The following HMCN2 variants were observed in gnomAD, a reference collection of about 807,000 sequenced individuals.
HMCN2 encodes the protein hemicentin-2.
Under a neutral mutation model 377.5 loss-of-function variants are expected in HMCN2, and 325 were observed. The observed-to-expected ratio is 0.86, with a 90% CI of 0.79 to 0.94. HMCN2 has a LOEUF of 0.94. Among genes scored for constraint, HMCN2 ranks in the 40% least tolerant of loss-of-function variants. HMCN2 has a pLI of 0.00. For missense variants in HMCN2, 4,543 were observed against 4,725.3 expected, an observed-to-expected ratio of 0.96 and a Z score of 1.13; for synonymous variants, 2,007 against 2,046.8, an observed-to-expected ratio of 0.98 and a Z score of 0.53.
intron 22 of HMCN2, among the ~76,000 whole-genome samples, chr9:130,334,701 C>CTT (rs1838623757): frequency 2.0e-5 from 3 of 146,740 alleles, no homozygotes; most frequent in African/African-American, 7.4e-5. Context: ...CTCTTTCTTT[C>CTT]TTTCTTTCTC....
chr9:130,359,968 G>T (rs73670534), intron 37 of HMCN2, among the ~76,000 whole-genome samples: 1 of 152,246 alleles, frequency 6.6e-6, no homozygotes, highest in South Asian at 2.1e-4. Context: ...GCAGATACAC[G>T]CGGTCCAGCC....
rs1311632669 is a variant in HMCN2 at position 130,268,827 on chromosome 9, A to AAGGGCAAGATTGGACACAGCCGTGAGTGC, written c.259+2696_259+2724dup. ...GGAGGAGTGGAGCGGGAAAGTGGGG[A>AAGGGCAAGATTGGACACAGCCGTGAGTGC]AGGGCAAGATTGGACACAGCCGTGA... is the stretch of plus-strand genomic sequence containing the variant. On this transcript the variant is annotated intron_variant, in intron 1 of 97. Transcript: ENST00000683500. Among the ~76,000 whole-genome samples the AAGGGCAAGATTGGACACAGCCGTGAGTGC allele has an allele frequency of 2.7e-5, 4 of 147,980 alleles. 1 individual carries two copies. The highest frequency in any genetic ancestry group is 6.1e-5 in the Non-Finnish European group (4 of 65,880).
intron 11 of HMCN2, 121 bp from the exon 12 acceptor site, chr9:130,306,008 T>G: frequency 2.5e-6 from 1 of 405,244 alleles, no homozygotes; most frequent in South Asian, 1.9e-5. Flanking sequence ...CTCTGGGGTC[T>G]TTGCTTTCTC....
intron 86 of HMCN2, among the ~76,000 whole-genome samples, chr9:130,421,716 A>G (rs1844024478): frequency 6.6e-6 from 1 of 152,208 alleles, no homozygotes; most frequent in Admixed American, 6.5e-5. Flanking sequence ...GATGAGAAAC[A>G]TCCCAGATGG....
At position 130,396,252 on chromosome 9, in the gene HMCN2, G is replaced by C. The variant is rs575237807; in HGVS notation, c.11137G>C (p.Val3713Leu). ...TALLPCQADG[V>L]PAPLVSWRKD... ...CCTGCTGCCTTGCCAGGCCGACGGC[G>C]TGCCCGCACCCCTCGTGAGCTGGCG... Residue 3713 changes from valine (V) to leucine (L), a missense_variant, in exon 73 of 98, where the codon GTG (valine) becomes CTG (leucine). Transcript: ENST00000683500. The C allele has an allele frequency of 7.8e-7, 1 of 1,286,670 alleles. No homozygotes were observed. Among genetic ancestry groups the C allele is most frequent in the African/African-American group, 1.5e-5 (1 of 65,768 alleles). The allele number at this position is 1,286,670 out of a possible 1,614,324, so 79.7% of individuals were successfully genotyped here. A position where few individuals can be genotyped will look rare whatever the true frequency, so the allele number is the denominator to read the frequency against.
intron 85 of HMCN2, among the ~76,000 whole-genome samples, chr9:130,412,774 G>A (rs35781046): frequency 0.39 from 58,445 of 151,694 alleles, 11,690 homozygotes; most frequent in Middle Eastern, 0.51. Flanking sequence ...ACGAGGTTTC[G>A]TCGTGTTGCC....
At chr9:130,271,747 T>C (rs1425740738) in intron 1 of HMCN2, among the ~76,000 whole-genome samples, 1 of 148,960 alleles carries the variant, frequency 6.7e-6, no homozygotes, top group African/African-American at 2.4e-5. Flanking sequence ...CCGTGCTAAG[T>C]GTGTTTGTTG....
intron 84 of HMCN2, among the ~76,000 whole-genome samples, chr9:130,410,216 G>A (rs1043080738): frequency 3.9e-5 from 6 of 152,190 alleles, no homozygotes; most frequent in Admixed American, 2.0e-4. Context: ...ATGGAACCCT[G>A]TTCTCCAAGG....
rs1554959684 is a variant in HMCN2, at chr9:130,372,995, C to CCA, written c.7352-42_7352-41insAC. On this transcript the variant is annotated intron_variant, in intron 47 of 97. Coordinates refer to ENST00000683500, the MANE Select transcript of HMCN2 (RefSeq NM_001291815.2). ...TGTAGCCTGGGCGGGCCAGCCCCCC[C>CCA]CCCCACCCCATCACTAGCCATTTGT... 2.0e-5 allele frequency: 3 copies of CCA among 146,694 alleles called. 1 individual carries two copies. The highest frequency in any genetic ancestry group is 2.0e-4 in the East Asian group (1 of 4,898). The allele number at this position is 146,694 out of a possible 1,614,324, so 9.1% of individuals were successfully genotyped here.
intron 84 of HMCN2, among the ~76,000 whole-genome samples, chr9:130,409,515 C>G (rs138044101): frequency 6.6e-6 from 1 of 152,330 alleles, no homozygotes; most frequent in East Asian, 1.9e-4. Context: ...GGGCCTTGAT[C>G]TCACCCATTT....
chr9:130,342,139 T>C (rs1424646888), intron 24 of HMCN2, among the ~76,000 whole-genome samples: 2 of 152,122 alleles, frequency 1.3e-5, no homozygotes, highest in Non-Finnish European at 2.9e-5. Context: ...CTCCCCAGCA[T>C]GTGGGGCTCG....
At chr9:130,299,531 TCATC>T (rs142449927) in intron 8 of HMCN2, among the ~76,000 whole-genome samples, 14,361 of 151,030 alleles carry the variant, frequency 0.095, 697 homozygotes, top group Middle Eastern at 0.14. Flanking sequence ...ATCTACCCAT[TCATC>T]CATCCATCCA....
chr9:130,427,373 T>A lies in HMCN2; in HGVS notation c.13940T>A (p.Val4647Glu). The change falls in exon 91 of 98, where the codon GTG becomes GAG. Residue 4647 changes from valine to glutamate, a missense_variant and splice_region_variant. Around this residue, in one of 5 missense-constraint regions of HMCN2, gnomAD observed 1,155 missense variants for 1,157.7 expected, o/e 1.00. Transcript: ENST00000683500. ...FELDSQGAFC[V>E]DRDECSGGPS... is the part of the protein sequence containing the mutation. ...CTGGACTCCCAGGGAGCGTTTTGTG[T>A]GGGTGAGCGCCCCCAACCCTGGCAT... The A allele has an allele frequency of 6.4e-7, 1 of 1,550,518 alleles. No homozygotes were observed. The highest frequency in any genetic ancestry group is 8.7e-7 in the Non-Finnish European group (1 of 1,146,988).
intron 37 of HMCN2, among the ~76,000 whole-genome samples, chr9:130,359,642 A>G (rs1840252510): frequency 6.6e-6 from 1 of 151,938 alleles, no homozygotes; most frequent in South Asian, 2.1e-4. Context: ...ACATCTACTC[A>G]CAGTAAGCTT....
intron 96 of HMCN2, among the ~76,000 whole-genome samples, chr9:130,431,791 C>T (rs369085089): frequency 4.6e-5 from 7 of 152,326 alleles, no homozygotes; most frequent in East Asian, 1.9e-4. Context: ...TCTAAGCCTC[C>T]GGCCTCCTGG....
rs1844506042 is a variant in HMCN2 at position 130,428,222 on chromosome 9, A to C, written c.14066-136A>C. 1.0e-6 allele frequency: 1 copy of C among 996,740 alleles called. No homozygotes were observed. The highest frequency in any genetic ancestry group is 3.0e-5 in the Admixed American group (1 of 33,088). The allele number at this position is 996,740 out of a possible 1,614,324, so 61.7% of individuals were successfully genotyped here. On this transcript the variant is annotated intron_variant, in intron 92 of 97. Coordinates refer to ENST00000683500, the MANE Select transcript of HMCN2 (RefSeq NM_001291815.2). This position sits in a 1 kb window ranked among gnomAD's most constrained non-coding sequence, Gnocchi z 5.0. Reference sequence around the variant, plus strand: ...GCAAGACAATGGAAAGAGCTAGCAGAAGGGGTGGGGACCTTCCTGCCAGTG... The same window carrying C: ...GCAAGACAATGGAAAGAGCTAGCAGCAGGGGTGGGGACCTTCCTGCCAGTG...
In HMCN2 at chr9:130,385,655, C is replaced by T. The variant is rs1462520121; in HGVS notation, c.9202C>T (p.Leu3068Phe). 3.8e-6 allele frequency: 5 copies of T among 1,304,192 alleles called. No individual in the cohort carries two copies. The highest frequency in any genetic ancestry group is 4.0e-6 in the Non-Finnish European group (4 of 988,898). 80.8% of individuals were successfully genotyped at this position (1,304,192 alleles called of 1,614,324 possible). Residue 3068 changes from leucine to phenylalanine, a missense_variant, in exon 60 of 98, where the codon CTC (leucine) becomes TTC (phenylalanine). This residue lies in a region of HMCN2 where 736 missense variants were observed against 773.2 expected (regional missense o/e 0.95). Coordinates refer to ENST00000683500, the MANE Select transcript of HMCN2 (RefSeq NM_001291815.2). ...KAVLSCETDA[L>F]PEPTVTWYKD... is the part of the protein sequence containing the mutation. ...TGTCCTGAGCTGCGAGACAGATGCG[C>T]TCCCTGAGCCAACTGTGACCTGGTA...
intron 85 of HMCN2, among the ~76,000 whole-genome samples, chr9:130,416,652 C>T (rs1056332767): frequency 4.6e-5 from 7 of 152,212 alleles, no homozygotes; most frequent in East Asian, 1.9e-4. Context: ...CCAGTGAACA[C>T]GCACACACAC....
At chr9:130,322,162 A>G (rs1390614070) in intron 19 of HMCN2, among the ~76,000 whole-genome samples, 3 of 152,188 alleles carry the variant, frequency 2.0e-5, no homozygotes, top group Admixed American at 6.5e-5. Flanking sequence ...TTCATACTCT[A>G]TACACACACA....
Sources: allele counts gnomAD v4.1 joint callset (sites outside exome capture counted in the v4.1 genomes callset), GRCh38; gene constraint gnomAD v4.1.1; regional missense constraint gnomAD v4.1.1; non-coding constraint Gnocchi (gnomAD v3.1); transcripts MANE v1.5; gene names NCBI Gene and HGNC (gene_info 2026-07-23, HGNC 2026-07-21).